The following LAMA3 variants were observed in gnomAD, a reference collection of about 807,000 sequenced individuals.
LAMA3 encodes laminin subunit alpha 3, also known as laminin subunit alpha-3.
Under a neutral mutation model 402.0 loss-of-function variants are expected in LAMA3, and 281 were observed. That is an observed-to-expected ratio of 0.70 (90% CI 0.63 to 0.77). The LOEUF is 0.77. Among genes scored for constraint, LAMA3 ranks in the 30% least tolerant of loss-of-function variants. The pLI, the probability that LAMA3 is intolerant of heterozygous loss-of-function variation, is 0.00. For synonymous variants in LAMA3, 1,431 were observed against 1,558.4 expected (o/e 0.92, Z 1.93); for missense variants, 3,840 against 4,215.5 (o/e 0.91, Z 2.47).
At chr18:23,812,151 G>A (rs1321462913) in intron 13 of LAMA3, among the ~76,000 whole-genome samples, 1 of 152,152 alleles carries the variant, frequency 6.6e-6, no homozygotes, top group Non-Finnish European at 1.5e-5. Context: ...GGGATTACAG[G>A]CGTGAGCCAC....
intron 12 of LAMA3, among the ~76,000 whole-genome samples, chr18:23,791,381 G>A (rs375612465): frequency 6.6e-5 from 10 of 152,246 alleles, no homozygotes; most frequent in East Asian, 5.8e-4. Flanking sequence ...TTGATTAATA[G>A]GTTGAGCTTG....
chr18:23,826,855 C>T, intron 22 of LAMA3, 56 bp downstream of exon 22: 1 of 1,028,852 alleles, frequency 9.7e-7, no homozygotes, highest in South Asian at 1.4e-5. Context: ...AATTAGGAGC[C>T]TTTAATGCAA....
intron 65 of LAMA3, 151 bp from the exon 66 acceptor site, chr18:23,932,008 AG>A (rs2082174987): frequency 1.1e-6 from 1 of 897,698 alleles, no homozygotes; most frequent in African/African-American, 1.7e-5. Flanking sequence ...ACATGAAAAA[AG>A]TTGTAATGCT....
chr18:23,847,424 C>A (rs1192581323), intron 31 of LAMA3, 40 bp from the exon 32 acceptor site: 11 of 1,598,300 alleles, frequency 6.9e-6, no homozygotes, highest in East Asian at 6.7e-5. Context: ...GCCCAGGCGG[C>A]CTTTGACCCT....
At chr18:23,722,672 C>T (rs1479745113) in intron 2 of LAMA3, among the ~76,000 whole-genome samples, 5 of 152,098 alleles carry the variant, frequency 3.3e-5, no homozygotes, top group Non-Finnish European at 7.4e-5. Flanking sequence ...AGGCAGTCAA[C>T]ATAAATCCAA....
At chr18:23,880,352 T>C (rs1321726445) in intron 39 of LAMA3, among the ~76,000 whole-genome samples, 1 of 152,258 alleles carries the variant, frequency 6.6e-6, no homozygotes, top group Non-Finnish European at 1.5e-5. Flanking sequence ...TAATATCTTA[T>C]GTTTATAGCA....
Position 23,824,688 on chromosome 18 carries a change from G to A in LAMA3, c.2571+123G>A. 7 of 1,125,880 alleles carry A rather than the reference G, an allele frequency of 6.2e-6. No homozygotes were observed. The Admixed American group carries it at 1.3e-4, about 20-fold the overall frequency. The allele number at this position is 1,125,880 out of a possible 1,614,324, so 69.7% of individuals were successfully genotyped here. ...ACAATCATTGGTGGTTTTAGACACA[G>A]GAACAATTCAGCCCCAACCTAAGGA... On this transcript the variant is annotated intron_variant, in intron 21 of 74. Transcript: ENST00000313654.
At chr18:23,933,981 T>C (rs368432984) in intron 67 of LAMA3, 46 bp downstream of exon 67, 3 of 1,591,670 alleles carry the variant, frequency 1.9e-6, no homozygotes, top group South Asian at 2.2e-5. Flanking sequence ...CCCTGGAGGA[T>C]TCCCCTGAGC....
chr18:23,881,847 T>TG, intron 39 of LAMA3, 89 bp from the exon 40 acceptor site: 1 of 821,126 alleles, frequency 1.2e-6, no homozygotes, highest in Non-Finnish European at 2.1e-6. Context: ...GGACTTGAGT[T>TG]GTAGTCATGT....
intron 21 of LAMA3, among the ~76,000 whole-genome samples, chr18:23,825,950 C>G (rs1317629014): frequency 6.6e-6 from 1 of 152,146 alleles, no homozygotes; most frequent in Non-Finnish European, 1.5e-5. Context: ...AAATTTAAAC[C>G]TACTGAGTCC....
Position 23,824,456 on chromosome 18 carries a change from C to T in LAMA3, c.2462C>T (p.Pro821Leu), listed in dbSNP as rs1418734948. The T allele has an allele frequency of 5.6e-6, 9 of 1,614,054 alleles. No individual in the cohort carries two copies. The highest frequency in any genetic ancestry group is 3.3e-5 in the Admixed American group (2 of 60,010). ...AAQSKEIIFL[P>L]SKEPAFVTVP... ...CAAAGCAAAGAGATCATCTTCCTGC[C>T]GAGTAAGGAGCCAGCCTTTGTCACT... The change falls in exon 21 of 75, where the codon CCG (proline) becomes CTG (leucine). Residue 821 changes from proline to leucine, a missense_variant. Coordinates refer to ENST00000313654, the MANE Select transcript of LAMA3 (RefSeq NM_198129.4).
At chr18:23,806,560 T>G (rs2062966138) in intron 12 of LAMA3, among the ~76,000 whole-genome samples, 1 of 152,154 alleles carries the variant, frequency 6.6e-6, no homozygotes, top group Admixed American at 6.5e-5. Flanking sequence ...GGGGTGCAGT[T>G]GCTTCTTCTG....
chr18:23,824,381 T>A (rs1289508698), intron 20 of LAMA3, 42 bp from the exon 21 acceptor site: 2 of 1,608,152 alleles, frequency 1.2e-6, no homozygotes, highest in East Asian at 4.5e-5. Flanking sequence ...TAACACTGAC[T>A]GATAGAAAAA....
chr18:23,816,348 A>G (rs758874405), intron 17 of LAMA3, 40 bp from the exon 18 acceptor site: 1 of 1,525,902 alleles, frequency 6.6e-7, no homozygotes, highest in African/African-American at 1.4e-5. Context: ...CAGTGTGGAG[A>G]TGGTTTAAGG....
intron 48 of LAMA3, among the ~76,000 whole-genome samples, chr18:23,902,464 T>G (rs2081104459): frequency 6.6e-6 from 1 of 152,070 alleles, no homozygotes; most frequent in Admixed American, 6.5e-5. Flanking sequence ...ATAAATGATG[T>G]CTTAGTGGAT....
chr18:23,727,602 G>A (rs1431546059), intron 2 of LAMA3, among the ~76,000 whole-genome samples: 2 of 151,210 alleles, frequency 1.3e-5, no homozygotes, highest in East Asian at 4.0e-4. Flanking sequence ...CTGGATTATG[G>A]GCATGAGCCA....
chr18:23,874,481 C>G (rs1055160168), intron 38 of LAMA3, among the ~76,000 whole-genome samples: 1 of 152,214 alleles, frequency 6.6e-6, no homozygotes, highest in South Asian at 2.1e-4. Context: ...AACATGGTTC[C>G]TAATAGCTTA....
chr18:23,938,569 T>G (rs1004365861), intron 67 of LAMA3, among the ~76,000 whole-genome samples: 6 of 152,068 alleles, frequency 3.9e-5, no homozygotes, highest in Admixed American at 1.3e-4. Flanking sequence ...TCTTGGTCCT[T>G]TCACCTGCCC....
At position 23,951,715 on chromosome 18, in the gene LAMA3, G is replaced by A; in HGVS notation, c.9674G>A (p.Gly3225Glu). Residue 3225 changes from glycine to glutamate, a missense_variant, in exon 73 of 75, where the codon GGG becomes GAG. Around this residue, in one of 3 missense-constraint regions of LAMA3, gnomAD observed 840 missense variants for 981.9 expected, o/e 0.86. Coordinates refer to ENST00000313654, the MANE Select transcript of LAMA3 (RefSeq NM_198129.4). ...GCCTCTATGGACAGTGGGGCAGGTG[G>A]GACCTCAACGTCGGTCACACCAAAG... ...VTASMDSGAG[G>E]TSTSVTPKQS... The A allele has an allele frequency of 6.2e-7, 1 of 1,614,016 alleles. No homozygotes were observed. Among genetic ancestry groups the A allele is most frequent in the Non-Finnish European group, 8.5e-7 (1 of 1,179,958 alleles).
Sources: gnomAD v4.1 joint callset for allele counts (sites outside exome capture counted in the v4.1 genomes callset) on GRCh38, gnomAD v4.1.1 for gene constraint, gnomAD v4.1.1 regional missense constraint, MANE v1.5 for transcripts, NCBI Gene and HGNC (gene_info 2026-07-23, HGNC 2026-07-21) for gene names.